RBM26: variants seen among roughly 807,000 people sequenced by gnomAD.
RBM26 encodes the protein RNA binding motif protein 26.
RBM26 carries 30 observed loss-of-function variants against 123.6 expected under a neutral mutation model. The ratio of observed to expected loss-of-function variants is 0.24; its 90% CI spans 0.18 to 0.33. The LOEUF is 0.33. Ranked by LOEUF, RBM26 falls within the 10% of genes least tolerant of loss-of-function variation. RBM26 has a pLI of 1.00. For synonymous variants in RBM26, 400 were observed against 404.4 expected (o/e 0.99, Z 0.13); for missense variants, 947 against 1,203.6 (o/e 0.79, Z 3.15).
chr13:79,315,856 A>G (rs934569793), downstream of RBM26, among the ~76,000 whole-genome samples: 2 of 151,740 alleles, frequency 1.3e-5, no homozygotes, highest in African/African-American at 4.8e-5. Flanking sequence ...AAGATTATCT[A>G]TTGTCATCTG....
At chr13:79,368,117 C>A (rs2075523236) in intron 6 of RBM26, among the ~76,000 whole-genome samples, 1 of 152,022 alleles carries the variant, frequency 6.6e-6, no homozygotes. Flanking sequence ...GCTCCACCTC[C>A]CGGTTTCACG....
Position 79,337,256 on chromosome 13 carries a change from T to C in RBM26, c.2579A>G (p.His860Arg), listed in dbSNP as rs1270722610. The C allele has an allele frequency of 3.7e-6, 6 of 1,614,158 alleles. No homozygotes were observed. Among genetic ancestry groups the C allele is most frequent in the Non-Finnish European group, 5.1e-6 (6 of 1,180,018 alleles). The change falls in exon 19 of 22, where the codon CAT (histidine) becomes CGT (arginine). Residue 860 changes from histidine to arginine, a missense_variant. Around this residue, in one of 5 missense-constraint regions of RBM26, gnomAD observed 164 missense variants for 215.3 expected, o/e 0.76. Transcript: ENST00000438737. Reference protein sequence around the residue: ...ILSSGRGRGIHSRGRGAVHGR... With the variant: ...ILSSGRGRGIRSRGRGAVHGR... ...ATGAACTGCACCTCGACCTCTTGAA[T>C]GAATTCCTCTGCCCCGACCAGATGA...
intron 1 of RBM26, among the ~76,000 whole-genome samples, chr13:79,379,402 G>A (rs2076903349): frequency 6.8e-6 from 1 of 147,728 alleles, no homozygotes; most frequent in African/African-American, 2.5e-5. Context: ...AAAAAATTAG[G>A]CATGGTAGTG....
chr13:79,313,646 C>T (rs895384692), exon 5 of RBM26: 1 of 151,134 alleles, frequency 6.6e-6, no homozygotes, highest in Non-Finnish European at 1.5e-5. Flanking sequence ...ACAACAACAA[C>T]AAAAAAAGGC....
At chr13:79,393,527 A>G (rs939912299) in intron 1 of RBM26, among the ~76,000 whole-genome samples, 2 of 152,220 alleles carry the variant, frequency 1.3e-5, no homozygotes, top group South Asian at 4.1e-4. Context: ...AGCAGGTAAC[A>G]TACATCAGTT....
At position 79,371,008 on chromosome 13, in the gene RBM26, T is replaced by C; in HGVS notation, c.571A>G (p.Arg191Gly). The C allele has an allele frequency of 6.2e-7, 1 of 1,602,536 alleles. No homozygotes were observed. The highest frequency in any genetic ancestry group is 8.6e-7 in the Non-Finnish European group (1 of 1,169,368). ...RSRSRSWSKE[R>G]LRERDRDRSR... ...CTATCTCTGTCCCTCTCACGAAGCC[T>C]CTCTTTACTCCAACTTCGACTTCGA... The change falls in exon 5 of 22, where the codon AGG becomes GGG. Residue 191 changes from arginine to glycine, a missense_variant. Around this residue, in one of 5 missense-constraint regions of RBM26, gnomAD observed 275 missense variants for 361.0 expected, o/e 0.76. Transcript: ENST00000438737.
intron 1 of RBM26, among the ~76,000 whole-genome samples, chr13:79,392,121 A>G (rs1479071377): frequency 1.7e-5 from 1 of 57,306 alleles, no homozygotes; most frequent in African/African-American, 4.8e-5. Context: ...ATAATTATAT[A>G]ATTATATATT....
chr13:79,371,844 AT>A lies in RBM26; in HGVS notation c.413del (p.Asn138IlefsTer79). On this transcript the variant is annotated frameshift_variant, in exon 4 of 22. Coordinates refer to ENST00000438737, the MANE Select transcript of RBM26 (RefSeq NM_001366735.2). LOFTEE classifies it high-confidence loss of function. The part of the protein sequence containing the change: ...PPQSSSRYRE[N>X]RSRDERKKDD... ...GTATGGTTCAATGAACTGCTCACCT[AT>A]TTTCCCTGTATCGGGAGCTTGACTG... 1 of 1,598,280 alleles carries A rather than the reference AT, an allele frequency of 6.3e-7. No individual in the cohort carries two copies. The highest frequency in any genetic ancestry group is 8.6e-7 in the Non-Finnish European group (1 of 1,166,930).
At chr13:79,383,980 C>T (rs2077274379) in intron 1 of RBM26, among the ~76,000 whole-genome samples, 1 of 152,110 alleles carries the variant, frequency 6.6e-6, no homozygotes, top group Non-Finnish European at 1.5e-5. Flanking sequence ...CAAGGGAACC[C>T]ATCAGAAAGA....
At chr13:79,390,202 TAAC>T (rs551209781) in intron 1 of RBM26, among the ~76,000 whole-genome samples, 1 of 152,280 alleles carries the variant, frequency 6.6e-6, no homozygotes, top group South Asian at 2.1e-4. Flanking sequence ...TGTGTCAAAT[TAAC>T]AATAATGAGA....
intron 3 of RBM26, 111 bp downstream of exon 3, chr13:79,377,268 C>T (rs1038315537): frequency 9.9e-6 from 8 of 806,106 alleles, no homozygotes; most frequent in Non-Finnish European, 1.6e-5. Flanking sequence ...ATCATTTAAA[C>T]TGGGAGTGGT....
intron 13 of RBM26, 89 bp from the exon 14 acceptor site, chr13:79,353,313 TAC>T (rs920532032): frequency 1.3e-6 from 1 of 742,576 alleles, no homozygotes; most frequent in African/African-American, 1.8e-5. Context: ...TACTAATATA[TAC>T]AGAGTCTATG....
At chr13:79,334,140 G>A (rs886069470) in intron 20 of RBM26, among the ~76,000 whole-genome samples, 1 of 152,140 alleles carries the variant, frequency 6.6e-6, no homozygotes, top group Non-Finnish European at 1.5e-5. Flanking sequence ...GACTAAATAT[G>A]TATTTTAATT....
At chr13:79,385,706 T>C (rs543668796) in intron 1 of RBM26, among the ~76,000 whole-genome samples, 8 of 152,314 alleles carry the variant, frequency 5.3e-5, no homozygotes, top group African/African-American at 1.7e-4. Context: ...CCATTAAAAC[T>C]AGCATAAAAA....
chr13:79,385,423 T>C (rs1297157750), intron 1 of RBM26, among the ~76,000 whole-genome samples: 1 of 152,222 alleles, frequency 6.6e-6, no homozygotes, highest in Non-Finnish European at 1.5e-5. Flanking sequence ...AATCTATTAA[T>C]ACTTCTTCAT....
chr13:79,390,375 A>T (rs190600849), intron 1 of RBM26, among the ~76,000 whole-genome samples: 1 of 152,174 alleles, frequency 6.6e-6, no homozygotes, highest in African/African-American at 2.4e-5. Context: ...CTGACAGAAA[A>T]GTTCTACAAC....
intron 20 of RBM26, among the ~76,000 whole-genome samples, chr13:79,333,274 GAACACC>G (rs1293780405): frequency 1.3e-5 from 2 of 152,106 alleles, no homozygotes; most frequent in Non-Finnish European, 2.9e-5. Context: ...TTTAAAAAGA[GAACACC>G]CTAAGATCAG....
chr13:79,328,675 G>A (rs1399944476), intron 20 of RBM26, among the ~76,000 whole-genome samples: 1 of 82,726 alleles, frequency 1.2e-5, no homozygotes, highest in Non-Finnish European at 2.3e-5. Context: ...AAGAGCCCCT[G>A]CATTAAGTAA....
chr13:79,398,394 T>C (rs191411980), intron 1 of RBM26, among the ~76,000 whole-genome samples: 3 of 152,184 alleles, frequency 2.0e-5, no homozygotes, highest in African/African-American at 4.8e-5. Context: ...TGCTAAAACA[T>C]ACAGAAAAAA....
Sources: gnomAD v4.1 joint callset for allele counts (sites outside exome capture counted in the v4.1 genomes callset) on GRCh38, gnomAD v4.1.1 for gene constraint, gnomAD v4.1.1 regional missense constraint, MANE v1.5 for transcripts, NCBI Gene and HGNC (gene_info 2026-07-23, HGNC 2026-07-21) for gene names.